Variants in GOSR2 observed in about 807,000 individuals in gnomAD.
GOSR2 encodes the protein 27 kDa Golgi SNARE protein.
Under a neutral mutation model 27.9 loss-of-function variants are expected in GOSR2, and 20 were observed. That is an observed-to-expected ratio of 0.72 (90% CI 0.50 to 1.04). The LOEUF (loss-of-function observed/expected upper bound fraction) is 1.04, where lower values mean the gene tolerates loss of function less well. GOSR2 is among the 50% of genes least tolerant of loss of function. The pLI is 0.00. For synonymous variants in GOSR2, 91 were observed against 98.8 expected, an observed-to-expected ratio of 0.92 and a Z score of 0.47; for missense variants, 261 against 270.5, an observed-to-expected ratio of 0.97 and a Z score of 0.25.
chr17:46,952,348 G>A (rs2090423130), intron 6 of GOSR2, among the ~76,000 whole-genome samples: 2 of 152,206 alleles, frequency 1.3e-5, no homozygotes, highest in South Asian at 2.1e-4. Flanking sequence ...ATGACTGCGC[G>A]GTGGGCCGAT....
chr17:46,936,257 C>G (rs2088324951), intron 5 of GOSR2: 1 of 985,244 alleles, frequency 1.0e-6, no homozygotes, highest in Non-Finnish European at 1.2e-6. Flanking sequence ...TTTCATATCT[C>G]AGAAAAACAG....
At chr17:46,936,886 T>C (rs2088478211) in intron 5 of GOSR2, 1 of 955,148 alleles carries the variant, frequency 1.0e-6, no homozygotes, top group Non-Finnish European at 1.2e-6. Context: ...AGAATGTAGA[T>C]TTTGGATTCC....
At chr17:46,923,268 AGG>A in intron 1 of GOSR2, 47 bp downstream of exon 1, 1 of 1,550,322 alleles carries the variant, frequency 6.5e-7, no homozygotes, top group Non-Finnish European at 8.7e-7. Flanking sequence ...AGGCGAGGCC[AGG>A]TGAGCCTGGC....
downstream of GOSR2, among the ~76,000 whole-genome samples, chr17:46,969,987 G>A (rs929712508): frequency 6.6e-6 from 1 of 152,160 alleles, no homozygotes; most frequent in Admixed American, 6.5e-5. Flanking sequence ...AGCAGACACC[G>A]GGGGTCAAAT....
At chr17:46,936,731 A>T in intron 5 of GOSR2, 1 of 984,806 alleles carries the variant, frequency 1.0e-6, no homozygotes, top group Non-Finnish European at 1.2e-6. Context: ...GTGTGTTCAG[A>T]GCCAAGCAGG....
intron 6 of GOSR2, among the ~76,000 whole-genome samples, chr17:46,948,288 C>T (rs186764358): frequency 6.6e-6 from 1 of 152,334 alleles, no homozygotes; most frequent in Admixed American, 6.5e-5. Flanking sequence ...GCCTACTGCA[C>T]AGCCCAGGAC....
At chr17:46,925,043 A>G (rs2086279266) in intron 1 of GOSR2, among the ~76,000 whole-genome samples, 1 of 152,194 alleles carries the variant, frequency 6.6e-6, no homozygotes, top group South Asian at 2.1e-4. Flanking sequence ...GGAATTCTAA[A>G]TGGTACCCCA....
In GOSR2 at chr17:46,932,124, C is replaced by G; in HGVS notation, c.261C>G (p.Phe87Leu). 1 of 1,614,004 alleles carries G rather than the reference C, an allele frequency of 6.2e-7. No individual in the cohort carries two copies. The highest frequency in any genetic ancestry group is 8.5e-7 in the Non-Finnish European group (1 of 1,179,884). The change falls in exon 4 of 6, where the codon TTC becomes TTG. Residue 87 changes from phenylalanine to leucine, a missense_variant. Physicochemically the swap from Phe to Leu is conservative, Grantham distance 22. Transcript: ENST00000640051. ...ACCTGCAGACTGCGCTCAGAAACTT[C>G]CAGCATCGGCGCCATGCAAGGGAGC... Reference protein sequence around the residue: ...VQHLQTALRNFQHRRHAREQQ... With the variant: ...VQHLQTALRNLQHRRHAREQQ...
chr17:46,943,060 G>C (rs77916450), downstream of GOSR2, among the ~76,000 whole-genome samples: 1 of 152,186 alleles, frequency 6.6e-6, no homozygotes, highest in African/African-American at 2.4e-5. Context: ...GAGTGCAGCC[G>C]GGGCATTGGG....
chr17:46,935,691 C>CTCTAAT, intron 5 of GOSR2: 1 of 989,280 alleles, frequency 1.0e-6, no homozygotes, highest in East Asian at 1.1e-4. Flanking sequence ...GCTTCTAAAG[C>CTCTAAT]CCGTGCTGGT....
chr17:46,938,392 T>C (rs2088767733), intron 5 of GOSR2, among the ~76,000 whole-genome samples: 1 of 152,208 alleles, frequency 6.6e-6, no homozygotes, highest in South Asian at 2.1e-4. Context: ...AAGACTTTTC[T>C]TTCCACTTAG....
intron 6 of GOSR2, among the ~76,000 whole-genome samples, chr17:46,952,356 G>A (rs2090423718): frequency 6.6e-6 from 1 of 152,142 alleles, no homozygotes; most frequent in African/African-American, 2.4e-5. Flanking sequence ...GCGGTGGGCC[G>A]ATCAGAATCT....
At chr17:46,967,896 C>T (rs1166088472), downstream of GOSR2, among the ~76,000 whole-genome samples, 1 of 152,142 alleles carries the variant, frequency 6.6e-6, no homozygotes, top group African/African-American at 2.4e-5. Flanking sequence ...AGAGCTTAAG[C>T]AGGGAGGTGG....
Position 46,935,429 on chromosome 17 carries a change from TATC to T in GOSR2, c.477+263_477+265del, listed in dbSNP as rs1396795703. 7.0e-6 allele frequency: 10 copies of T among 1,419,112 alleles called. No individual in the cohort carries two copies. In the Admixed American group the frequency reaches 2.6e-4, roughly 38 times the overall value. The allele number at this position is 1,419,112 out of a possible 1,614,324, so 87.9% of individuals were successfully genotyped here. A position where few individuals can be genotyped will look rare whatever the true frequency, so the allele number is the denominator to read the frequency against. Reference sequence around the variant, plus strand: ...CAGGTCTTTTCCCATTTACTGAACTTATCATGAAAGTGAGTGCTACTACGAGGG... The same window carrying T: ...CAGGTCTTTTCCCATTTACTGAACTTATGAAAGTGAGTGCTACTACGAGGG... On this transcript the variant is annotated intron_variant, in intron 5 of 5. Transcript: ENST00000640051.
chr17:46,960,160 C>T (rs2090968626), intron 6 of GOSR2, among the ~76,000 whole-genome samples: 1 of 152,144 alleles, frequency 6.6e-6, no homozygotes, highest in South Asian at 2.1e-4. Context: ...CAAAGCTCAA[C>T]AATAAGAAAA....
chr17:46,959,485 A>G (rs1188878168), intron 6 of GOSR2, among the ~76,000 whole-genome samples: 9 of 152,054 alleles, frequency 5.9e-5, no homozygotes, highest in Admixed American at 5.9e-4. Flanking sequence ...TGGAACTAAG[A>G]CTTTAGAGCA....
At chr17:46,946,108 C>T (rs1170968957), downstream of GOSR2, among the ~76,000 whole-genome samples, 1 of 151,982 alleles carries the variant, frequency 6.6e-6, no homozygotes, top group East Asian at 1.9e-4. Context: ...AATCAATTCT[C>T]TGTCGTCACT....
chr17:46,953,406 C>T (rs1220916963), intron 6 of GOSR2, among the ~76,000 whole-genome samples: 4 of 152,178 alleles, frequency 2.6e-5, no homozygotes, highest in African/African-American at 7.2e-5. Context: ...CATAGTATTC[C>T]GTGGTGTATA....
chr17:46,967,642 A>G (rs1193622877), downstream of GOSR2, among the ~76,000 whole-genome samples: 1 of 152,136 alleles, frequency 6.6e-6, no homozygotes, highest in Non-Finnish European at 1.5e-5. Flanking sequence ...ATGGAGAGAA[A>G]TACTGGGAAA....
Sources: gnomAD v4.1 joint callset for allele counts (sites outside exome capture counted in the v4.1 genomes callset) on GRCh38, gnomAD v4.1.1 for gene constraint, MANE v1.5 for transcripts, NCBI Gene and HGNC (gene_info 2026-07-23, HGNC 2026-07-21) for gene names.